The following IMMP2L variants were observed in gnomAD, a reference collection of about 807,000 sequenced individuals.
IMMP2L encodes the protein inner mitochondrial membrane peptidase subunit 2, also known as mitochondrial inner membrane protease subunit 2.
A neutral mutation model predicts 19.3 loss-of-function variants in IMMP2L; 18 were observed. The observed-to-expected ratio is 0.93, with a 90% CI of 0.64 to 1.38. The LOEUF (loss-of-function observed/expected upper bound fraction) is 1.38. Ranked by LOEUF, IMMP2L falls within the 40% of genes most tolerant of loss-of-function variation. IMMP2L has a pLI of 0.00. For synonymous variants in IMMP2L, 76 were observed against 73.0 expected (o/e 1.04, Z -0.21); for missense variants, 233 against 218.2 (o/e 1.07, Z -0.43).
chr7:111,500,554 G>A (rs755224160), intron 2 of IMMP2L, among the ~76,000 whole-genome samples: 8 of 152,170 alleles, frequency 5.3e-5, no homozygotes, highest in Non-Finnish European at 7.3e-5. Flanking sequence ...GGAGGCATCC[G>A]CCAGTACGGG....
chr7:110,971,798 T>C (rs958688135), intron 3 of IMMP2L, among the ~76,000 whole-genome samples: 1 of 152,128 alleles, frequency 6.6e-6, no homozygotes, highest in African/African-American at 2.4e-5. Flanking sequence ...TGCATATCTC[T>C]TTTGATTAAT....
At chr7:111,375,436 C>G (rs1434245688) in intron 3 of IMMP2L, among the ~76,000 whole-genome samples, 1 of 152,018 alleles carries the variant, frequency 6.6e-6, no homozygotes, top group East Asian at 1.9e-4. Flanking sequence ...TCAACAAACA[C>G]AGTTCTCATG....
chr7:110,989,435 A>C (rs1334664166), intron 3 of IMMP2L, among the ~76,000 whole-genome samples: 1 of 150,610 alleles, frequency 6.6e-6, no homozygotes, highest in Non-Finnish European at 1.5e-5. Flanking sequence ...TGGTCCCAGC[A>C]ACTCGGGAGG....
intron 3 of IMMP2L, among the ~76,000 whole-genome samples, chr7:111,026,366 T>A (rs80071338): frequency 0.024 from 3,652 of 152,190 alleles, 135 homozygotes; most frequent in African/African-American, 0.083. Flanking sequence ...AATTTCGCCA[T>A]TTAATCCTTA....
At chr7:111,504,876 A>G (rs1229082499) in intron 2 of IMMP2L, among the ~76,000 whole-genome samples, 1 of 152,008 alleles carries the variant, frequency 6.6e-6, no homozygotes, top group African/African-American at 2.4e-5. Flanking sequence ...ACCCTAGAAG[A>G]AAACCTAGGC....
At chr7:111,445,447 A>C (rs1241485782) in intron 3 of IMMP2L, among the ~76,000 whole-genome samples, 1 of 152,096 alleles carries the variant, frequency 6.6e-6, no homozygotes, top group African/African-American at 2.4e-5. Context: ...CATAAGTTTA[A>C]ACTGGTTTGG....
chr7:111,450,116 G>A (rs1172866099), intron 3 of IMMP2L, among the ~76,000 whole-genome samples: 1 of 151,828 alleles, frequency 6.6e-6, no homozygotes, highest in Non-Finnish European at 1.5e-5. Context: ...AATCAATATT[G>A]TGAAAATGGC....
At chr7:110,928,163 A>C (rs1458277426) in intron 4 of IMMP2L, among the ~76,000 whole-genome samples, 2 of 152,080 alleles carry the variant, frequency 1.3e-5, no homozygotes, top group Non-Finnish European at 2.9e-5. Context: ...CCCCTAAAAC[A>C]GATAAATCAC....
intron 5 of IMMP2L, among the ~76,000 whole-genome samples, chr7:110,696,162 A>G (rs1793859325): frequency 6.6e-6 from 1 of 152,230 alleles, no homozygotes; most frequent in Non-Finnish European, 1.5e-5. Context: ...AAGGGGTTCC[A>G]TAAGCAGTAA....
At chr7:110,755,106 T>C (rs2130938319) in intron 5 of IMMP2L, among the ~76,000 whole-genome samples, 1 of 152,184 alleles carries the variant, frequency 6.6e-6, no homozygotes, top group Non-Finnish European at 1.5e-5. Flanking sequence ...AAATATTAAC[T>C]TTTAATTACA....
Position 110,803,638 on chromosome 7 carries a change from G to T in IMMP2L, c.408+82955C>A, listed in dbSNP as rs1252717089. Reference sequence around the variant, plus strand: ...CTGCTGTGGTTAGTCATTGGATGGGGGGAGCTCCAGAAATGGGAGTGACCT... The same window carrying T: ...CTGCTGTGGTTAGTCATTGGATGGGTGGAGCTCCAGAAATGGGAGTGACCT... On this transcript the variant is annotated intron_variant, in intron 5 of 5. Coordinates refer to ENST00000405709, the MANE Select transcript of IMMP2L (RefSeq NM_032549.4). The surrounding 1 kb of genome is among the most constrained non-coding windows in gnomAD (Gnocchi z 4.2). Among the ~76,000 whole-genome samples the T allele has an allele frequency of 6.6e-6, 1 of 151,964 alleles. No individual in the cohort carries two copies. Among genetic ancestry groups the T allele is most frequent in the Non-Finnish European group, 1.5e-5 (1 of 67,956 alleles).
At chr7:111,079,319 G>A (rs1038672015) in intron 3 of IMMP2L, among the ~76,000 whole-genome samples, 49 of 151,390 alleles carry the variant, frequency 3.2e-4, no homozygotes, top group African/African-American at 9.2e-4. Context: ...GGGTTTCACC[G>A]TTTTAGCCGG....
intron 3 of IMMP2L, among the ~76,000 whole-genome samples, chr7:111,309,805 A>T (rs1419925226): frequency 6.6e-6 from 1 of 152,140 alleles, no homozygotes; most frequent in Non-Finnish European, 1.5e-5. Context: ...AAATTATAGT[A>T]CCTGTTAGAA....
At chr7:110,859,663 A>T (rs1273594086) in intron 5 of IMMP2L, among the ~76,000 whole-genome samples, 1 of 151,402 alleles carries the variant, frequency 6.6e-6, no homozygotes, top group African/African-American at 2.4e-5. Context: ...GGATCACTTG[A>T]GCCTGGGTGG....
intron 3 of IMMP2L, among the ~76,000 whole-genome samples, chr7:111,193,628 C>T (rs1456639713): frequency 6.6e-6 from 1 of 151,994 alleles, no homozygotes; most frequent in East Asian, 1.9e-4. Flanking sequence ...ATGGGAAATC[C>T]TCAATATCCA....
At chr7:110,992,312 A>C (rs1822566173) in intron 3 of IMMP2L, among the ~76,000 whole-genome samples, 1 of 152,080 alleles carries the variant, frequency 6.6e-6, no homozygotes. Context: ...TCAGTAACTT[A>C]AATACCAAAC....
chr7:111,531,871 A>T (rs1193023757), intron 1 of IMMP2L, among the ~76,000 whole-genome samples: 1 of 152,180 alleles, frequency 6.6e-6, no homozygotes, highest in African/African-American at 2.4e-5. Flanking sequence ...GTGGGTTAGT[A>T]AAAGGATATA....
At position 111,228,176 on chromosome 7, in the gene IMMP2L, T is replaced by C. The variant is rs144225179; in HGVS notation, c.239+259062A>G. Among the ~76,000 whole-genome samples the C allele has an allele frequency of 1.5e-3, 227 of 152,172 alleles. 1 individual carries two copies. Among genetic ancestry groups the C allele is most frequent in the African/African-American group, 5.2e-3 (215 of 41,522 alleles). On this transcript the variant is annotated intron_variant, in intron 3 of 5. Transcript: ENST00000405709. ...CAAACATTTCTGAAACACAAAATAA[T>C]TCTACTCCTCTATATTCAAGAAAAG...
intron 1 of IMMP2L, among the ~76,000 whole-genome samples, chr7:111,539,631 G>T (rs1281792927): frequency 2.5e-4 from 36 of 142,678 alleles, no homozygotes; most frequent in East Asian, 1.0e-3. Flanking sequence ...TTTTTATCTG[G>T]TTTTTTTTTT....
Sources: gnomAD v4.1 joint callset for allele counts (sites outside exome capture counted in the v4.1 genomes callset) on GRCh38, gnomAD v4.1.1 for gene constraint, Gnocchi (gnomAD v3.1) non-coding constraint, MANE v1.5 for transcripts, NCBI Gene and HGNC (gene_info 2026-07-23, HGNC 2026-07-21) for gene names.